Variants in CCNH observed in about 807,000 individuals in gnomAD.
The protein encoded by CCNH is cyclin-H.
Under a neutral mutation model 41.9 loss-of-function variants are expected in CCNH, and 31 were observed. That is an observed-to-expected ratio of 0.74 (90% CI 0.56 to 1.00). CCNH has a LOEUF of 1.00. Ranked by LOEUF, CCNH falls within the 50% of genes least tolerant of loss-of-function variation. The pLI is 0.00. For synonymous variants in CCNH, 138 were observed against 136.1 expected, an observed-to-expected ratio of 1.01 and a Z score of -0.10; for missense variants, 362 against 388.4, an observed-to-expected ratio of 0.93 and a Z score of 0.57.
intron 4 of CCNH, among the ~76,000 whole-genome samples, 156 bp from the exon 5 acceptor site, chr5:87,405,163 C>T (rs115110967): frequency 1.4e-4 from 22 of 152,274 alleles, no homozygotes; most frequent in Admixed American, 5.2e-4. Flanking sequence ...TTACATTAAT[C>T]CCTTCTCTTG....
chr5:87,394,800 G>C (rs1762791965), intron 8 of CCNH: 1 of 1,359,562 alleles, frequency 7.4e-7, no homozygotes, highest in African/African-American at 1.5e-5. Flanking sequence ...CAAAAATGTA[G>C]TATGTATACA....
intron 9 of CCNH, among the ~76,000 whole-genome samples, chr5:87,342,522 G>A (rs537226951): frequency 1.2e-3 from 182 of 152,202 alleles, no homozygotes; most frequent in Non-Finnish European, 1.7e-3. Flanking sequence ...AAGTGAAGCG[G>A]GTCAAGTATA....
chr5:87,374,453 A>T, downstream of CCNH: 2 of 269,920 alleles, frequency 7.4e-6, no homozygotes, highest in Non-Finnish European at 1.2e-5. Flanking sequence ...ATATATATAT[A>T]TATATATTTT....
intron 9 of CCNH, among the ~76,000 whole-genome samples, chr5:87,327,016 G>C (rs1480305048): frequency 6.6e-6 from 1 of 152,136 alleles, no homozygotes; most frequent in South Asian, 2.1e-4. Flanking sequence ...TTTTGAAGAA[G>C]TTTATTAATC....
downstream of CCNH, chr5:87,393,526 A>G (rs1762674696): frequency 1.3e-5 from 2 of 152,244 alleles, no homozygotes. Flanking sequence ...TTCATATGTA[A>G]GTAATTTGCT....
chr5:87,400,092 G>A (rs1401802994), intron 6 of CCNH, among the ~76,000 whole-genome samples: 2 of 152,172 alleles, frequency 1.3e-5, no homozygotes, highest in Non-Finnish European at 2.9e-5. Flanking sequence ...TCCTCTAGCT[G>A]ATCTTGTTAT....
intron 9 of CCNH, among the ~76,000 whole-genome samples, chr5:87,350,935 T>A (rs1759218759): frequency 6.6e-6 from 1 of 151,730 alleles, no homozygotes; most frequent in African/African-American, 2.4e-5. Flanking sequence ...TATATTTCAT[T>A]TCAGCATTAA....
At chr5:87,348,116 A>G (rs562965369) in intron 9 of CCNH, among the ~76,000 whole-genome samples, 1 of 152,154 alleles carries the variant, frequency 6.6e-6, no homozygotes, top group Non-Finnish European at 1.5e-5. Flanking sequence ...GATTTGTTGT[A>G]TCAACTTAGA....
At chr5:87,312,952 G>T in the CCNH span, among the ~76,000 whole-genome samples, 46 of 152,308 alleles carry the variant, frequency 3.0e-4, no homozygotes, top group Non-Finnish European at 4.4e-4. Context: ...GAGTAGGCCA[G>T]ATTATTGAAG....
intron 9 of CCNH, chr5:87,363,580 T>G: frequency 6.7e-7 from 1 of 1,496,162 alleles, no homozygotes. Flanking sequence ...AAACCAATTT[T>G]GAGAGCCCTA....
At chr5:87,412,555 C>A in intron 1 of CCNH, 123 bp downstream of exon 1, 3 of 1,469,350 alleles carry the variant, frequency 2.0e-6, no homozygotes, top group Non-Finnish European at 2.7e-6. Context: ...GATAGAAAAA[C>A]GCACTCCGCG....
At chr5:87,330,311 T>C (rs1338240016) in intron 9 of CCNH, among the ~76,000 whole-genome samples, 1 of 152,122 alleles carries the variant, frequency 6.6e-6, no homozygotes, top group African/African-American at 2.4e-5. Context: ...TATCATTGGC[T>C]TATATATTAT....
intron 9 of CCNH, among the ~76,000 whole-genome samples, chr5:87,370,257 C>T (rs1038065730): frequency 6.6e-6 from 1 of 152,070 alleles, no homozygotes; most frequent in Admixed American, 6.6e-5. Context: ...TGCTAACAAG[C>T]ATTATTCTTC....
chr5:87,396,613 C>T (rs1195894080), intron 7 of CCNH, among the ~76,000 whole-genome samples: 1 of 151,924 alleles, frequency 6.6e-6, no homozygotes, highest in Non-Finnish European at 1.5e-5. Flanking sequence ...CAGCAAGACT[C>T]CATCTCAAAA....
downstream of CCNH, chr5:87,391,132 T>C (rs1762484358): frequency 1.7e-6 from 1 of 587,506 alleles, no homozygotes; most frequent in Non-Finnish European, 3.0e-6. Context: ...TGAGCCTTGG[T>C]GTACAGACCA....
At chr5:87,314,682 A>G (rs1046455340), downstream of CCNH, among the ~76,000 whole-genome samples, 1 of 152,176 alleles carries the variant, frequency 6.6e-6, no homozygotes, top group African/African-American at 2.4e-5. Flanking sequence ...AAAGATGAGA[A>G]ACAGGAGAGA....
chr5:87,356,027 T>C (rs1759623494), intron 9 of CCNH, among the ~76,000 whole-genome samples: 1 of 152,180 alleles, frequency 6.6e-6, no homozygotes, highest in Non-Finnish European at 1.5e-5. Flanking sequence ...AAGAAAGTGG[T>C]CTCTTGAGAT....
chr5:87,362,894 CTT>C (rs1760221059), intron 9 of CCNH, among the ~76,000 whole-genome samples: 1 of 149,186 alleles, frequency 6.7e-6, no homozygotes, highest in East Asian at 1.9e-4. Flanking sequence ...TTCTTTTTTT[CTT>C]TCTTTCTTTC....
At chr5:87,407,208 A>G (rs1167988107) in intron 4 of CCNH, among the ~76,000 whole-genome samples, 2 of 152,068 alleles carry the variant, frequency 1.3e-5, no homozygotes, top group East Asian at 3.9e-4. Context: ...CTTACCCCTT[A>G]ATCTGTTATC....
Sources: gnomAD v4.1 joint callset for allele counts (sites outside exome capture counted in the v4.1 genomes callset) on GRCh38, gnomAD v4.1.1 for gene constraint, MANE v1.5 for transcripts, NCBI Gene and HGNC (gene_info 2026-07-23, HGNC 2026-07-21) for gene names.